EXOC6B: variants seen among roughly 807,000 people sequenced by gnomAD.
EXOC6B encodes exocyst complex component 6B.
In EXOC6B, 54 loss-of-function variants were observed where a neutral mutation model predicts 113.5. The ratio of observed to expected loss-of-function variants is 0.48; its 90% CI spans 0.38 to 0.60. EXOC6B has a LOEUF of 0.60. Ranked by LOEUF, EXOC6B falls within the 20% of genes least tolerant of loss-of-function variation. EXOC6B has a pLI of 0.00. For missense variants in EXOC6B, 797 were observed against 977.5 expected (o/e 0.82, Z 2.46); for synonymous variants, 357 against 339.0 (o/e 1.05, Z -0.58).
intron 18 of EXOC6B, among the ~76,000 whole-genome samples, chr2:72,396,989 A>G (rs1439065018): frequency 6.6e-6 from 1 of 151,092 alleles, no homozygotes; most frequent in Non-Finnish European, 1.5e-5. Context: ...AAAAAAAAAC[A>G]TATTTTCAAA....
intron 20 of EXOC6B, among the ~76,000 whole-genome samples, chr2:72,291,648 T>C (rs757324120): frequency 1.8e-4 from 27 of 152,198 alleles, no homozygotes; most frequent in Admixed American, 7.9e-4. Context: ...ACCATATTTA[T>C]GTTGATGCCA....
At chr2:72,352,981 C>T (rs1203631582) in intron 19 of EXOC6B, among the ~76,000 whole-genome samples, 1 of 152,086 alleles carries the variant, frequency 6.6e-6, no homozygotes, top group Non-Finnish European at 1.5e-5. Flanking sequence ...TTAAATGTAC[C>T]AGTGTAAACA....
intron 16 of EXOC6B, among the ~76,000 whole-genome samples, chr2:72,484,891 T>C (rs1158917589): frequency 6.6e-6 from 1 of 152,234 alleles, no homozygotes; most frequent in Non-Finnish European, 1.5e-5. Flanking sequence ...CTGTAAATAG[T>C]GCTGCAATAA....
intron 8 of EXOC6B, among the ~76,000 whole-genome samples, chr2:72,532,255 T>C (rs1418203549): frequency 1.3e-5 from 2 of 152,158 alleles, no homozygotes; most frequent in Admixed American, 1.3e-4. Flanking sequence ...TAGAAAAATG[T>C]CCACAGTGAA....
intron 19 of EXOC6B, among the ~76,000 whole-genome samples, chr2:72,335,473 A>G (rs2104882304): frequency 6.6e-6 from 1 of 152,116 alleles, no homozygotes; most frequent in Admixed American, 6.6e-5. Flanking sequence ...CCAAGCATTT[A>G]TCAAAAAATA....
At chr2:72,686,347 A>G (rs1677087058) in intron 6 of EXOC6B, among the ~76,000 whole-genome samples, 1 of 152,216 alleles carries the variant, frequency 6.6e-6, no homozygotes, top group South Asian at 2.1e-4. Flanking sequence ...TATAAAATTC[A>G]CTGAGTTAAT....
chr2:72,465,432 T>C (rs1439530238), intron 17 of EXOC6B, 93 bp from the exon 18 acceptor site: 8 of 904,686 alleles, frequency 8.8e-6, no homozygotes, highest in South Asian at 1.8e-5. Context: ...ATCCATTAAG[T>C]AACTGGGAAT....
At position 72,597,369 on chromosome 2, in the gene EXOC6B, A is replaced by G. The variant is rs531305171; in HGVS notation, c.670-21701T>C. Among the ~76,000 whole-genome samples the G allele has an allele frequency of 2.0e-3, 309 of 151,968 alleles. 1 individual carries two copies. The highest frequency in any genetic ancestry group is 6.9e-3 in the African/African-American group (288 of 41,540). ...CTATGAAGCATTACACTGTTATTTG[A>G]AAGTGGACTTAGATTAATTATAAAT... On this transcript the variant is annotated intron_variant, in intron 6 of 21. Coordinates refer to ENST00000272427, the MANE Select transcript of EXOC6B (RefSeq NM_015189.3).
At chr2:72,764,565 C>T (rs1682950778) in intron 1 of EXOC6B, among the ~76,000 whole-genome samples, 1 of 151,682 alleles carries the variant, frequency 6.6e-6, no homozygotes, top group Non-Finnish European at 1.5e-5. Context: ...GATGGGGTCT[C>T]ACTATGTTAC....
chr2:72,367,349 T>C (rs1690692168), intron 19 of EXOC6B, among the ~76,000 whole-genome samples: 1 of 144,460 alleles, frequency 6.9e-6, no homozygotes, highest in African/African-American at 2.6e-5. Flanking sequence ...AAAAAAGCAA[T>C]GAAAGAAGAA....
At chr2:72,611,957 T>C (rs763456354) in intron 6 of EXOC6B, among the ~76,000 whole-genome samples, 1 of 152,024 alleles carries the variant, frequency 6.6e-6, no homozygotes, top group Non-Finnish European at 1.5e-5. Context: ...AAGAAGACTA[T>C]AAATTAAACA....
In EXOC6B at chr2:72,386,018, C is replaced by G. The variant is rs140127261; in HGVS notation, c.1981-6148G>C. On this transcript the variant is annotated intron_variant, in intron 18 of 21. Coordinates refer to ENST00000272427, the MANE Select transcript of EXOC6B (RefSeq NM_015189.3). The stretch of plus-strand genomic sequence containing the variant: ...AGCAATCCTACTAATGAATATATAC[C>G]CAAAGGATATGAAATCAGTATGTCA... Among the ~76,000 whole-genome samples, 19 of 151,736 alleles carry G rather than the reference C, an allele frequency of 1.3e-4. No homozygotes were observed. The East Asian group carries it at 3.7e-3, about 29-fold the overall frequency.
intron 19 of EXOC6B, among the ~76,000 whole-genome samples, chr2:72,352,049 CA>C (rs1378693539): frequency 1.3e-5 from 2 of 152,192 alleles, no homozygotes; most frequent in Non-Finnish European, 2.9e-5. Context: ...TCACCTACTT[CA>C]CCACACTTGA....
At chr2:72,290,821 A>G (rs1274823613) in intron 20 of EXOC6B, among the ~76,000 whole-genome samples, 2 of 152,218 alleles carry the variant, frequency 1.3e-5, no homozygotes, top group African/African-American at 4.8e-5. Flanking sequence ...TTACAGTTAG[A>G]ATATCCAAAA....
intron 1 of EXOC6B, among the ~76,000 whole-genome samples, chr2:72,803,442 A>C (rs1685408452): frequency 1.3e-5 from 2 of 152,218 alleles, no homozygotes; most frequent in South Asian, 4.1e-4. Context: ...GGATCTAAGC[A>C]TTGTCATCTC....
At chr2:72,743,249 C>T (rs918965555) in intron 1 of EXOC6B, among the ~76,000 whole-genome samples, 2 of 152,152 alleles carry the variant, frequency 1.3e-5, no homozygotes, top group African/African-American at 2.4e-5. Flanking sequence ...AGTCTCCATT[C>T]TGCACTTTCC....
chr2:72,211,681 A>G (rs1000835090), intron 20 of EXOC6B, among the ~76,000 whole-genome samples: 36 of 152,310 alleles, frequency 2.4e-4, no homozygotes, highest in African/African-American at 8.7e-4. Context: ...TTTAACATAC[A>G]TCTCCCTAAT....
chr2:72,751,021 T>A (rs1179478152), intron 1 of EXOC6B, among the ~76,000 whole-genome samples: 1 of 151,892 alleles, frequency 6.6e-6, no homozygotes, highest in Non-Finnish European at 1.5e-5. Context: ...ATGTGTAAGA[T>A]GTTTAAAGAA....
intron 6 of EXOC6B, among the ~76,000 whole-genome samples, chr2:72,673,856 T>C (rs1215417245): frequency 1.3e-5 from 2 of 151,864 alleles, no homozygotes; most frequent in Non-Finnish European, 2.9e-5. Context: ...ATTATAAGCA[T>C]GTACTTAGTT....
Sources: gnomAD v4.1 joint callset for allele counts (sites outside exome capture counted in the v4.1 genomes callset) on GRCh38, gnomAD v4.1.1 for gene constraint, MANE v1.5 for transcripts, NCBI Gene and HGNC (gene_info 2026-07-23, HGNC 2026-07-21) for gene names.